LRMDA: variants seen among roughly 807,000 people sequenced by gnomAD.
LRMDA encodes the protein leucine-rich melanocyte differentiation-associated protein.
In LRMDA, 18 loss-of-function variants were observed where a neutral mutation model predicts 29.8. That is an observed-to-expected ratio of 0.60 (90% CI 0.42 to 0.90). The LOEUF (loss-of-function observed/expected upper bound fraction) is 0.90, where lower values mean the gene tolerates loss of function less well. Among genes scored for constraint, LRMDA ranks in the 40% least tolerant of loss-of-function variants. The probability of loss-of-function intolerance (pLI) is 0.00; values close to 1 mark genes in which losing one functional copy is unlikely to be tolerated. For synonymous variants in LRMDA, 125 were observed against 109.4 expected, an observed-to-expected ratio of 1.14 and a Z score of -0.89; for missense variants, 273 against 273.9, an observed-to-expected ratio of 1.00 and a Z score of 0.02.
intron 2 of LRMDA, among the ~76,000 whole-genome samples, chr10:75,571,551 C>T (rs895582794): frequency 1.3e-5 from 2 of 152,092 alleles, no homozygotes; most frequent in South Asian, 2.1e-4. Context: ...ATTTAAAGGC[C>T]GATGTTAGGA....
intron 2 of LRMDA, among the ~76,000 whole-genome samples, chr10:75,812,216 A>G (rs1360501912): frequency 2.1e-5 from 3 of 141,838 alleles, no homozygotes. Flanking sequence ...TGTTGATGCT[A>G]TAGGATATTT....
intron 6 of LRMDA, among the ~76,000 whole-genome samples, chr10:76,469,833 T>C (rs1023666260): frequency 5.3e-5 from 8 of 152,126 alleles, no homozygotes; most frequent in Non-Finnish European, 8.8e-5. Context: ...CCCCTACCCA[T>C]GTACAATTCA....
chr10:76,506,604 C>T (rs182110437), intron 6 of LRMDA, among the ~76,000 whole-genome samples: 1 of 152,034 alleles, frequency 6.6e-6, no homozygotes, highest in African/African-American at 2.4e-5. Context: ...AGCTATCAAC[C>T]AACTTTTCTT....
At chr10:76,489,836 A>G (rs1422842811) in intron 6 of LRMDA, among the ~76,000 whole-genome samples, 1 of 150,668 alleles carries the variant, frequency 6.6e-6, no homozygotes, top group Non-Finnish European at 1.5e-5. Flanking sequence ...AATTATATGT[A>G]TATATATAGC....
chr10:75,954,949 CTG>C (rs1436717867), intron 2 of LRMDA, among the ~76,000 whole-genome samples: 2 of 152,114 alleles, frequency 1.3e-5, no homozygotes, highest in Non-Finnish European at 2.9e-5. Flanking sequence ...TGATAAAAGT[CTG>C]TGTCTACATT....
At chr10:75,999,717 A>G (rs1163192562) in intron 2 of LRMDA, among the ~76,000 whole-genome samples, 4 of 152,240 alleles carry the variant, frequency 2.6e-5, no homozygotes, top group Admixed American at 2.6e-4. Context: ...CACTTTAGAA[A>G]TGTACATCAA....
chr10:75,704,778 C>G (rs746190882), intron 2 of LRMDA, among the ~76,000 whole-genome samples: 1 of 152,162 alleles, frequency 6.6e-6, no homozygotes, highest in Non-Finnish European at 1.5e-5. Flanking sequence ...TCAGCCCTGC[C>G]GTGAATTGTG....
Position 75,438,510 on chromosome 10 carries a change from A to G in LRMDA, c.131+16A>G. 6.5e-7 allele frequency: 1 copy of G among 1,546,662 alleles called. No homozygotes were observed. Among genetic ancestry groups the G allele is most frequent in the Non-Finnish European group, 8.7e-7 (1 of 1,143,408 alleles). The stretch of plus-strand genomic sequence containing the variant: ...ACCTTCTGAGGTATGTAACCTTCAC[A>G]AGATGTAGGCCAGGCCTGGGAGGCC... On this transcript the variant is annotated intron_variant, in intron 2 of 6. Coordinates refer to ENST00000611255, the MANE Select transcript of LRMDA (RefSeq NM_001305581.2).
chr10:76,458,895 T>C (rs927350746), intron 6 of LRMDA, among the ~76,000 whole-genome samples: 2 of 152,056 alleles, frequency 1.3e-5, no homozygotes, highest in African/African-American at 2.4e-5. Context: ...TTCCTCAGCC[T>C]GCAAGCCCAG....
chr10:76,091,931 G>C lies in LRMDA; in HGVS notation c.516+33148G>C, dbSNP rs139035171. Among the ~76,000 whole-genome samples the C allele has an allele frequency of 3.1e-4, 47 of 152,216 alleles. No homozygotes were observed. In the East Asian group the frequency reaches 6.0e-3, roughly 19 times the overall value. On this transcript the variant is annotated intron_variant, in intron 5 of 6. Coordinates refer to ENST00000611255, the MANE Select transcript of LRMDA (RefSeq NM_001305581.2). The stretch of plus-strand genomic sequence containing the variant: ...TTGAACTCCTGGCCTCAAGGATCCT[G>C]GTGCCTTGGCCTTTCAAAGTGTTGG...
chr10:75,452,967 G>A (rs750360235), intron 2 of LRMDA, among the ~76,000 whole-genome samples: 17 of 152,238 alleles, frequency 1.1e-4, no homozygotes, highest in African/African-American at 3.6e-4. Flanking sequence ...TGGTCTTTCC[G>A]ATGGAGTCTC....
At chr10:75,928,989 G>T (rs895957626) in intron 2 of LRMDA, among the ~76,000 whole-genome samples, 6 of 152,264 alleles carry the variant, frequency 3.9e-5, no homozygotes, top group African/African-American at 1.4e-4. Flanking sequence ...TAAAACATAG[G>T]TTGTCAAACC....
intron 2 of LRMDA, among the ~76,000 whole-genome samples, chr10:75,532,248 C>T (rs573568042): frequency 7.9e-5 from 12 of 152,214 alleles, no homozygotes; most frequent in Non-Finnish European, 1.5e-4. Flanking sequence ...AGCCAGATCC[C>T]GAAGATCTTG....
At chr10:76,476,750 G>A (rs1842676961) in intron 6 of LRMDA, among the ~76,000 whole-genome samples, 1 of 152,014 alleles carries the variant, frequency 6.6e-6, no homozygotes, top group Non-Finnish European at 1.5e-5. Context: ...TTCAACATAT[G>A]CAAATCAATA....
rs575162245 is a variant in LRMDA at position 75,818,073 on chromosome 10, G to T, written c.132-217935G>T. On this transcript the variant is annotated intron_variant, in intron 2 of 6. Transcript: ENST00000611255. ...CAACAAGATCTGGAGAAGTGAGAGG[G>T]ATGTGTCTTTCTGTGCATCCCTTTT... 1.3e-4 allele frequency among the ~76,000 whole-genome samples: 20 copies of T among 152,324 alleles called. No individual in the cohort carries two copies. The South Asian group carries it at 3.9e-3, about 30-fold the overall frequency.
chr10:75,501,134 G>A (rs982028796), intron 2 of LRMDA, among the ~76,000 whole-genome samples: 2 of 152,200 alleles, frequency 1.3e-5, no homozygotes, highest in Non-Finnish European at 2.9e-5. Context: ...CAGAGAATCA[G>A]GGTGTTGGGA....
chr10:76,041,959 G>A (rs116567679), intron 3 of LRMDA, among the ~76,000 whole-genome samples: 245 of 152,274 alleles, frequency 1.6e-3, no homozygotes, highest in African/African-American at 5.8e-3. Context: ...CCCCACTGCA[G>A]TGGTCTTGAT....
intron 2 of LRMDA, among the ~76,000 whole-genome samples, chr10:75,826,964 G>T (rs922333830): frequency 6.6e-6 from 1 of 151,986 alleles, no homozygotes; most frequent in Admixed American, 6.6e-5. Flanking sequence ...TACTTTTTTT[G>T]TGTTTCTGTG....
At chr10:75,483,459 G>A (rs9415100) in intron 2 of LRMDA, among the ~76,000 whole-genome samples, 2,265 of 152,214 alleles carry the variant, frequency 0.015, 127 homozygotes, top group Admixed American at 0.12. Context: ...CTTGTTATAG[G>A]GAAGTAATAT....
Sources: allele counts gnomAD v4.1 joint callset (sites outside exome capture counted in the v4.1 genomes callset), GRCh38; gene constraint gnomAD v4.1.1; transcripts MANE v1.5; gene names NCBI Gene and HGNC (gene_info 2026-07-23, HGNC 2026-07-21).